Variants in PDLIM3 observed in about 807,000 individuals in gnomAD.
The protein encoded by PDLIM3 is PDZ and LIM domain protein 3.
In PDLIM3, 36 loss-of-function variants were observed where a neutral mutation model predicts 37.3. The ratio of observed to expected loss-of-function variants is 0.97; its 90% confidence interval spans 0.74 to 1.28. The LOEUF is 1.28. Among genes scored for constraint, PDLIM3 ranks in the 50% most tolerant of loss-of-function variants. The pLI is 0.00. For missense variants in PDLIM3, 454 were observed against 485.0 expected (o/e 0.94, Z 0.60); for synonymous variants, 174 against 182.4 (o/e 0.95, Z 0.37).
rs534506122 is a variant in PDLIM3, at chr4:185,502,211, A to G, written c.*83T>C. 2.8e-4 allele frequency: 383 copies of G among 1,378,774 alleles called. No homozygotes were observed. Among genetic ancestry groups the G allele is most frequent in the Non-Finnish European group, 3.7e-4 (357 of 968,214 alleles). 85.4% of individuals were successfully genotyped at this position (1,378,774 alleles called of 1,614,324 possible). A position where few individuals can be genotyped will look rare whatever the true frequency, so the allele number is the denominator to read the frequency against. ...AGATTTGGAGTTGACAATCTGCACAATCCTTCTGCCCAAAGCCATGAATGT... is the reference window on the plus strand; with the variant it reads ...AGATTTGGAGTTGACAATCTGCACAGTCCTTCTGCCCAAAGCCATGAATGT... On this transcript the variant is annotated 3_prime_UTR_variant, in exon 8 of 8. Coordinates refer to ENST00000284767, the MANE Select transcript of PDLIM3 (RefSeq NM_014476.6).
At chr4:185,516,823 G>A (rs1281317753) in intron 3 of PDLIM3, 2 of 152,232 alleles carry the variant, frequency 1.3e-5, no homozygotes, top group African/African-American at 4.8e-5. Context: ...GACAGCATAT[G>A]TTAACAGCCT....
intron 1 of PDLIM3, among the ~76,000 whole-genome samples, chr4:185,535,104 C>T (rs2095751215): frequency 6.6e-6 from 1 of 152,232 alleles, no homozygotes; most frequent in African/African-American, 2.4e-5. Context: ...CGCTGCGGAC[C>T]CAGAGGATGG....
At chr4:185,502,953 C>T (rs949248110) in intron 7 of PDLIM3, among the ~76,000 whole-genome samples, 3 of 152,124 alleles carry the variant, frequency 2.0e-5, no homozygotes, top group Admixed American at 6.5e-5. Flanking sequence ...GACGACCGGG[C>T]GTGGTGGCTC....
intron 1 of PDLIM3, among the ~76,000 whole-genome samples, chr4:185,529,931 ATCT>A (rs2095741084): frequency 6.6e-6 from 1 of 152,066 alleles, no homozygotes; most frequent in African/African-American, 2.4e-5. Context: ...CCTGCAGGTA[ATCT>A]TTCCTTCAAC....
At chr4:185,502,648 A>G (rs147601622) in intron 7 of PDLIM3, among the ~76,000 whole-genome samples, 165 bp from the exon 8 acceptor site, 1 of 152,240 alleles carries the variant, frequency 6.6e-6, no homozygotes. Context: ...TGTAATTGTC[A>G]TGGAGATCTA....
intron 1 of PDLIM3, among the ~76,000 whole-genome samples, chr4:185,533,723 C>G (rs1414302004): frequency 2.0e-5 from 3 of 152,124 alleles, no homozygotes; most frequent in Non-Finnish European, 4.4e-5. Context: ...AATGTAAGTA[C>G]TGCTTTAAAA....
chr4:185,526,919 C>T (rs915484423), intron 1 of PDLIM3, among the ~76,000 whole-genome samples: 2 of 152,206 alleles, frequency 1.3e-5, no homozygotes, highest in African/African-American at 4.8e-5. Context: ...TAGTCCTCCC[C>T]TCATCATTTT....
intron 4 of PDLIM3, chr4:185,513,441 G>A (rs534803499): frequency 1.1e-6 from 1 of 932,598 alleles, no homozygotes; most frequent in African/African-American, 1.8e-5. Flanking sequence ...AATGGGCCGT[G>A]TCTCACACAC....
chr4:185,502,999 G>A (rs753123655), intron 7 of PDLIM3, among the ~76,000 whole-genome samples: 5 of 152,058 alleles, frequency 3.3e-5, no homozygotes, highest in African/African-American at 9.7e-5. Context: ...AGGCCAAGGC[G>A]GGCAGATCAC....
chr4:185,514,589 A>G lies in PDLIM3; in HGVS notation c.331-252T>C. The G allele has an allele frequency of 7.9e-7, 1 of 1,266,466 alleles. No homozygotes were observed. The allele number at this position is 1,266,466 out of a possible 1,614,324, so 78.5% of individuals were successfully genotyped here. ...TGCTTGTCTTTAAAAGAGAAATCTG[A>G]TAGTGCCTTCAGGAAAGTAAAAATA... is the stretch of plus-strand genomic sequence containing the variant. On this transcript the variant is annotated intron_variant, in intron 3 of 7. Transcript: ENST00000284767. This position sits in a 1 kb window ranked among gnomAD's most constrained non-coding sequence, Gnocchi z 4.0.
chr4:185,504,516 T>C lies in PDLIM3; in HGVS notation c.864A>G (p.Ala288=), dbSNP rs753192823. ...ATTTGTCACAGAGCGGCATCCTCTG[T>C]GCCCCGCCTGAACCGCCATGGACTT... The part of the protein sequence containing the change: ...VTKVHGGSGG[A]QRMPLCDKCG... Residue 288 remains alanine, a synonymous_variant, in exon 7 of 8, where the codon GCA becomes GCG. Coordinates refer to ENST00000284767, the MANE Select transcript of PDLIM3 (RefSeq NM_014476.6). This position sits in a 1 kb window ranked among gnomAD's most constrained non-coding sequence, Gnocchi z 4.7. 6.2e-7 allele frequency: 1 copy of C among 1,614,198 alleles called. No individual in the cohort carries two copies. The highest frequency in any genetic ancestry group is 8.5e-7 in the Non-Finnish European group (1 of 1,180,020).
rs79284684 is a variant in PDLIM3 at position 185,512,527 on chromosome 4, C to G, written c.398+1743G>C. 5.4e-3 allele frequency: 1,261 copies of G among 234,220 alleles called. 34 individuals carry two copies. Among genetic ancestry groups the G allele is most frequent in the African/African-American group, 0.028 (1,213 of 43,074 alleles). The allele number at this position is 234,220 out of a possible 1,614,324, so 14.5% of individuals were successfully genotyped here. On this transcript the variant is annotated intron_variant, in intron 4 of 7. Coordinates refer to ENST00000284767, the MANE Select transcript of PDLIM3 (RefSeq NM_014476.6). ...CATTATGAGTGGCTTGCCATTATCC[C>G]TATGTTTAAGTTAAAATGAAAAATT...
intron 1 of PDLIM3, among the ~76,000 whole-genome samples, chr4:185,529,181 G>GT (rs1460702412): frequency 6.6e-6 from 1 of 152,158 alleles, no homozygotes; most frequent in Non-Finnish European, 1.5e-5. Context: ...CTTGCTGAAC[G>GT]TTAAAGGCTC....
chr4:185,529,781 CT>C (rs976971350), intron 1 of PDLIM3, among the ~76,000 whole-genome samples: 2 of 152,140 alleles, frequency 1.3e-5, no homozygotes, highest in Admixed American at 1.3e-4. Context: ...ATAGTTATCT[CT>C]TTTTTAAAAT....
rs1166741337 is a variant in PDLIM3 at position 185,522,337 on chromosome 4, G to T, written c.330+1025C>A. ...AATAACTCAATGTGCCAACTTCTCTGCTTGTATTATTTTATTCTAATTTTT... is the reference window on the plus strand; with the variant it reads ...AATAACTCAATGTGCCAACTTCTCTTCTTGTATTATTTTATTCTAATTTTT... On this transcript the variant is annotated intron_variant, in intron 3 of 7. Transcript: ENST00000284767. Among the ~76,000 whole-genome samples the T allele has an allele frequency of 3.0e-5, 2 of 65,814 alleles. 1 individual carries two copies. The highest frequency in any genetic ancestry group is 1.3e-4 in the Non-Finnish European group (2 of 15,970). The allele number at this position is 65,814 out of a possible 152,430, so 43.2% of individuals were successfully genotyped here. A position where few individuals can be genotyped will look rare whatever the true frequency, so the allele number is the denominator to read the frequency against.
intron 5 of PDLIM3, 109 bp from the exon 6 acceptor site, chr4:185,506,761 G>C (rs2095698282): frequency 2.1e-6 from 2 of 948,534 alleles, no homozygotes; most frequent in Admixed American, 1.9e-5. Flanking sequence ...AGCCACTCCT[G>C]AACAGAGGTC....
At chr4:185,515,006 C>T (rs2095712790) in intron 3 of PDLIM3, 20 of 792,818 alleles carry the variant, frequency 2.5e-5, no homozygotes, top group South Asian at 1.5e-4. Context: ...ACGAGATTGA[C>T]GGAAAGATTA....
rs483352737 is a variant in PDLIM3 at position 185,502,464 on chromosome 4, G to A, written c.925C>T (p.Arg309Trp). ...CACTCAGGGTGCCGGTACTTATCCCGCGCCTTCACCACAGCACCGCTGTTG... is the reference window on the plus strand; with the variant it reads ...CACTCAGGGTGCCGGTACTTATCCCACGCCTTCACCACAGCACCGCTGTTG... ...SGIVGAVVKARDKYRHPECFV... is the reference protein window; with the variant it reads ...SGIVGAVVKAWDKYRHPECFV... Residue 309 changes from arginine to tryptophan, a missense_variant, in exon 8 of 8, where the codon CGG (arginine) becomes TGG (tryptophan). By Grantham distance (101) the Arg-to-Trp change is moderately radical. Coordinates refer to ENST00000284767, the MANE Select transcript of PDLIM3 (RefSeq NM_014476.6). The A allele has an allele frequency of 3.1e-6, 5 of 1,614,122 alleles. No individual in the cohort carries two copies. Among genetic ancestry groups the A allele is most frequent in the Non-Finnish European group, 4.2e-6 (5 of 1,180,018 alleles).
Position 185,501,702 on chromosome 4 carries a change from T to C in PDLIM3, c.*592A>G, listed in dbSNP as rs978903594. ...GTTAAAATATGATTGGGTTCTCTCA[T>C]TGAAATGTTGATTTTATTTGAATTC... is the stretch of plus-strand genomic sequence containing the variant. On this transcript the variant is annotated 3_prime_UTR_variant, in exon 8 of 8. Coordinates refer to ENST00000284767, the MANE Select transcript of PDLIM3 (RefSeq NM_014476.6). 1.9e-5 allele frequency: 3 copies of C among 155,250 alleles called. No homozygotes were observed. Among genetic ancestry groups the C allele is most frequent in the Non-Finnish European group, 2.9e-5 (2 of 69,950 alleles). The allele number at this position is 155,250 out of a possible 1,614,324, so 9.6% of individuals were successfully genotyped here.
Sources: allele counts gnomAD v4.1 joint callset (sites outside exome capture counted in the v4.1 genomes callset), GRCh38; gene constraint gnomAD v4.1.1; non-coding constraint Gnocchi (gnomAD v3.1); transcripts MANE v1.5; gene names NCBI Gene and HGNC (gene_info 2026-07-23, HGNC 2026-07-21).